Variants in PHACTR2 observed in about 807,000 individuals in gnomAD.
PHACTR2 encodes the protein chromosome 6 open reading frame 56.
Under a neutral mutation model 76.0 loss-of-function variants are expected in PHACTR2, and 30 were observed. That is an observed-to-expected ratio of 0.39 (90% CI 0.30 to 0.54). PHACTR2 has a LOEUF of 0.54. Among genes scored for constraint, PHACTR2 ranks in the 20% least tolerant of loss-of-function variants. PHACTR2 has a pLI of 0.61. For missense variants in PHACTR2, 696 were observed against 781.1 expected (o/e 0.89, Z 1.30); for synonymous variants, 292 against 292.5 (o/e 1.00, Z 0.02).
Position 143,658,052 on chromosome 6 carries a change from G to A in PHACTR2, c.13+49730G>A, listed in dbSNP as rs3924970. The stretch of plus-strand genomic sequence containing the variant: ...TTTACCCACTCTTCTGTTGAGGGAC[G>A]TTTGGCCTGTCCAGTTTGGGGCTAT... On this transcript the variant is annotated intron_variant, in intron 1 of 11. Coordinates refer to the PHACTR2 transcript ENST00000305766. The surrounding 1 kb of genome is among the most constrained non-coding windows in gnomAD (Gnocchi z 4.1). Among the ~76,000 whole-genome samples, 3 of 152,160 alleles carry A rather than the reference G, an allele frequency of 2.0e-5. No individual in the cohort carries two copies. The highest frequency in any genetic ancestry group is 7.2e-5 in the African/African-American group (3 of 41,442).
At chr6:143,668,013 G>C (rs1450882388) in intron 1 of PHACTR2, among the ~76,000 whole-genome samples, 1 of 152,068 alleles carries the variant, frequency 6.6e-6, no homozygotes, top group Non-Finnish European at 1.5e-5. Context: ...ATTGGCTGTG[G>C]GTTTATCATA....
At chr6:143,636,746 A>G (rs937015417) in intron 1 of PHACTR2, among the ~76,000 whole-genome samples, 3 of 152,206 alleles carry the variant, frequency 2.0e-5, no homozygotes, top group African/African-American at 7.2e-5. Context: ...TCATTTGTAT[A>G]TTATTGTTTT....
rs1310169271 is a variant in PHACTR2, at chr6:143,591,906, T to G, written c.217+54699T>G. Among the ~76,000 whole-genome samples the G allele has an allele frequency of 1.3e-5, 2 of 152,222 alleles. No individual in the cohort carries two copies. Among genetic ancestry groups the G allele is most frequent in the African/African-American group, 4.8e-5 (2 of 41,458 alleles). On this transcript the variant is annotated intron_variant, in intron 1 of 11. Transcript: ENST00000367584. This position sits in a 1 kb window ranked among gnomAD's most constrained non-coding sequence, Gnocchi z 6.4. ...CACTTCCAGGTTTTCCTGGGCCACTTCCCTAGATCTATTTTTAGGAGATTG... is the reference window on the plus strand; with the variant it reads ...CACTTCCAGGTTTTCCTGGGCCACTGCCCTAGATCTATTTTTAGGAGATTG...
rs530945517 is a variant in PHACTR2, at chr6:143,740,059, G to A, written c.215-8926G>A. ...ATAAGAGAATGGTTACTCCATAGAC[G>A]GAGCAGCCCTGAGGGCTGCTGGTTG... is the stretch of plus-strand genomic sequence containing the variant. On this transcript the variant is annotated intron_variant, in intron 2 of 12. Coordinates refer to ENST00000440869, the MANE Select transcript of PHACTR2 (RefSeq NM_001100164.2). Among the ~76,000 whole-genome samples the A allele has an allele frequency of 5.3e-5, 8 of 152,268 alleles. No individual in the cohort carries two copies. The South Asian group carries it at 1.5e-3, about 28-fold the overall frequency.
chr6:143,584,676 T>G (rs1775607080), intron 1 of PHACTR2, among the ~76,000 whole-genome samples: 1 of 152,168 alleles, frequency 6.6e-6, no homozygotes. Context: ...CAAATGTGTA[T>G]TGTCTATCAG....
Position 143,807,243 on chromosome 6 carries a change from T to C in PHACTR2, c.1922+110T>C. On this transcript the variant is annotated intron_variant, in intron 12 of 12. Coordinates refer to ENST00000440869, the MANE Select transcript of PHACTR2 (RefSeq NM_001100164.2). This position sits in a 1 kb window ranked among gnomAD's most constrained non-coding sequence, Gnocchi z 5.5. ...AATGGTAAATTTTATGATAGGTATA[T>C]TTCATCACAATTAAAAAATGTTTTT... The C allele has an allele frequency of 3.1e-6, 2 of 649,934 alleles. No individual in the cohort carries two copies. Among genetic ancestry groups the C allele is most frequent in the East Asian group, 5.4e-5 (2 of 36,932 alleles). 40.3% of individuals were successfully genotyped at this position (649,934 alleles called of 1,614,324 possible). A position where few individuals can be genotyped will look rare whatever the true frequency, so the allele number is the denominator to read the frequency against.
rs1368396234 is a variant in PHACTR2 at position 143,598,317 on chromosome 6, T to G, written c.217+61110T>G. On this transcript the variant is annotated intron_variant, in intron 1 of 11. Coordinates refer to the PHACTR2 transcript ENST00000367584. The surrounding 1 kb of genome is among the most constrained non-coding windows in gnomAD (Gnocchi z 4.1). ...GGCAATGTGACAATGAAGACAAATT[T>G]TGGAGCAATGAGGCTGTAACCAAAG... Among the ~76,000 whole-genome samples the G allele has an allele frequency of 6.6e-6, 1 of 152,004 alleles. No individual in the cohort carries two copies. Among genetic ancestry groups the G allele is most frequent in the Non-Finnish European group, 1.5e-5 (1 of 68,008 alleles).
chr6:143,632,631 C>G (rs1323412062), intron 1 of PHACTR2, among the ~76,000 whole-genome samples: 1 of 152,204 alleles, frequency 6.6e-6, no homozygotes, highest in Non-Finnish European at 1.5e-5. Context: ...AGGGTTCACT[C>G]TTGGTGTTGT....
chr6:143,792,501 C>T (rs1414855161), intron 11 of PHACTR2, among the ~76,000 whole-genome samples: 4 of 152,142 alleles, frequency 2.6e-5, no homozygotes, highest in Admixed American at 2.0e-4. Flanking sequence ...TGTGCAGTGA[C>T]CTTCCCCAAA....
At chr6:143,661,467 C>G (rs1399474700) in intron 1 of PHACTR2, among the ~76,000 whole-genome samples, 1 of 151,390 alleles carries the variant, frequency 6.6e-6, no homozygotes, top group African/African-American at 2.4e-5. Flanking sequence ...ATAAATATAT[C>G]AAAGTATAAC....
In PHACTR2 at chr6:143,753,160, A is replaced by G. The variant is rs1040739398; in HGVS notation, c.296-594A>G. 6.6e-6 allele frequency among the ~76,000 whole-genome samples: 1 copy of G among 151,970 alleles called. No homozygotes were observed. The highest frequency in any genetic ancestry group is 2.4e-5 in the African/African-American group (1 of 41,390). ...TACCTGAGTATACTTTAATCTTTCC[A>G]TAAACAAATAAAAATAAAAATAGCC... On this transcript the variant is annotated intron_variant, in intron 3 of 12. Coordinates refer to ENST00000440869, the MANE Select transcript of PHACTR2 (RefSeq NM_001100164.2). This position sits in a 1 kb window ranked among gnomAD's most constrained non-coding sequence, Gnocchi z 4.6.
chr6:143,586,817 T>C (rs547541565), intron 1 of PHACTR2, among the ~76,000 whole-genome samples: 1 of 152,330 alleles, frequency 6.6e-6, no homozygotes, highest in South Asian at 2.1e-4. Context: ...AAACTGCTTC[T>C]GCCCTGCCCT....
chr6:143,812,139 C>G (rs9390141), intron 12 of PHACTR2, among the ~76,000 whole-genome samples: 1 of 151,818 alleles, frequency 6.6e-6, no homozygotes. Context: ...CATTTCCAAC[C>G]CAGTGATGTA....
At position 143,589,292 on chromosome 6, in the gene PHACTR2, T is replaced by C. The variant is rs1775662005; in HGVS notation, c.217+52085T>C. On this transcript the variant is annotated intron_variant, in intron 1 of 11. Coordinates refer to the PHACTR2 transcript ENST00000367584. This position sits in a 1 kb window ranked among gnomAD's most constrained non-coding sequence, Gnocchi z 4.4. Reference sequence around the variant, plus strand: ...GGATCATGGGGGTGGATTTCCCCCTTGCTGTTGTCATGATAGTGAATGACT... The same window carrying C: ...GGATCATGGGGGTGGATTTCCCCCTCGCTGTTGTCATGATAGTGAATGACT... 6.6e-6 allele frequency among the ~76,000 whole-genome samples: 1 copy of C among 152,164 alleles called. No homozygotes were observed. The highest frequency in any genetic ancestry group is 2.4e-5 in the African/African-American group (1 of 41,448).
At chr6:143,719,766 C>T (rs1778397274) in intron 2 of PHACTR2, among the ~76,000 whole-genome samples, 1 of 149,996 alleles carries the variant, frequency 6.7e-6, no homozygotes, top group Admixed American at 6.7e-5. Context: ...CCAAAGGCCA[C>T]ACAGCACATC....
intron 6 of PHACTR2, among the ~76,000 whole-genome samples, chr6:143,771,656 T>C (rs890349030): frequency 6.6e-6 from 1 of 152,070 alleles, no homozygotes; most frequent in South Asian, 2.1e-4. Context: ...AGGCTGGTCT[T>C]GAACTCCTAG....
chr6:143,792,810 G>A (rs1435241607), intron 11 of PHACTR2, among the ~76,000 whole-genome samples: 1 of 152,068 alleles, frequency 6.6e-6, no homozygotes, highest in East Asian at 1.9e-4. Flanking sequence ...TTACTTGGTG[G>A]CTCAGCAAAT....
rs759034641 is a variant in PHACTR2, at chr6:143,821,987, T to TC, written c.1923-1682dup. On this transcript the variant is annotated intron_variant, in intron 12 of 12. Coordinates refer to ENST00000440869, the MANE Select transcript of PHACTR2 (RefSeq NM_001100164.2). This position sits in a 1 kb window ranked among gnomAD's most constrained non-coding sequence, Gnocchi z 5.2. ...CCTGGGCAATAGGAGTGAAACCCTG[T>TC]CCCCCTCTGGAGCTCCCCCCAACCC... Among the ~76,000 whole-genome samples the TC allele has an allele frequency of 1.3e-5, 2 of 151,716 alleles. No homozygotes were observed. Among genetic ancestry groups the TC allele is most frequent in the African/African-American group, 2.4e-5 (1 of 41,286 alleles).
intron 1 of PHACTR2, among the ~76,000 whole-genome samples, chr6:143,628,833 G>A (rs1776304460): frequency 6.6e-6 from 1 of 150,724 alleles, no homozygotes; most frequent in South Asian, 2.1e-4. Flanking sequence ...TTCTTTAGCA[G>A]TGCTGGTCAC....
Sources: allele counts gnomAD v4.1 joint callset (sites outside exome capture counted in the v4.1 genomes callset), GRCh38; gene constraint gnomAD v4.1.1; non-coding constraint Gnocchi (gnomAD v3.1); transcripts MANE v1.5; gene names NCBI Gene and HGNC (gene_info 2026-07-23, HGNC 2026-07-21).